Variants in SCRN3 observed in about 807,000 individuals in gnomAD.
The protein encoded by SCRN3 is secernin-3.
In SCRN3, 39 loss-of-function variants were observed where a neutral mutation model predicts 43.1. The observed-to-expected ratio is 0.91, with a 90% CI of 0.70 to 1.18. SCRN3 has a LOEUF of 1.18. Among genes scored for constraint, SCRN3 ranks in the 50% most tolerant of loss-of-function variants. SCRN3 has a pLI of 0.00. For synonymous variants in SCRN3, 147 were observed against 163.1 expected (o/e 0.90, Z 0.75); for missense variants, 484 against 498.0 (o/e 0.97, Z 0.27).
rs145950807 is a variant in SCRN3, at chr2:174,410,993, C to T, written c.754+6678C>T. 9.0e-3 allele frequency among the ~76,000 whole-genome samples: 1,373 copies of T among 152,160 alleles called. 12 individuals carry two copies. Among genetic ancestry groups the T allele is most frequent in the Admixed American group, 0.018 (277 of 15,272 alleles). On this transcript the variant is annotated intron_variant, in intron 5 of 7. Transcript: ENST00000272732. Reference sequence around the variant, plus strand: ...TAACATCCATGAGAATGTAGGTGTACAGGTGAAAAAGATCCATTTGGGGAG... The same window carrying T: ...TAACATCCATGAGAATGTAGGTGTATAGGTGAAAAAGATCCATTTGGGGAG...
chr2:174,427,569 C>T, intron 7 of SCRN3, 144 bp from the exon 8 acceptor site: 1 of 440,970 alleles, frequency 2.3e-6, no homozygotes, highest in East Asian at 3.4e-5. Flanking sequence ...TCATTTCATT[C>T]TTTCTGTCTC....
chr2:174,398,377 G>T lies in SCRN3; in HGVS notation c.94G>T (p.Asp32Tyr). Reference protein sequence around the residue: ...IFGKNSDRLYDEVQEVVYFPA... With the variant: ...IFGKNSDRLYYEVQEVVYFPA... ...TGGAAAAAATTCAGATAGACTCTATGATGAAGTACAAGAGGTGGTTTATTT... is the reference window on the plus strand; with the variant it reads ...TGGAAAAAATTCAGATAGACTCTATTATGAAGTACAAGAGGTGGTTTATTT... The change falls in exon 2 of 8, where the codon GAT becomes TAT. Residue 32 changes from aspartate to tyrosine, a missense_variant. Asp to Tyr is a radical substitution (Grantham distance 160). Coordinates refer to ENST00000272732, the MANE Select transcript of SCRN3 (RefSeq NM_024583.5). 6.2e-7 allele frequency: 1 copy of T among 1,609,066 alleles called. No individual in the cohort carries two copies. Among genetic ancestry groups the T allele is most frequent in the East Asian group, 2.2e-5 (1 of 44,550 alleles).
rs866213450 is a variant in SCRN3 at position 174,422,541 on chromosome 2, T to C, written c.755-344T>C. ...GTGAGCCAAGATTGCACCACTGCAC[T>C]CTAGCCTGACAGAACAAGACTCTGT... On this transcript the variant is annotated intron_variant, in intron 5 of 7. Coordinates refer to ENST00000272732, the MANE Select transcript of SCRN3 (RefSeq NM_024583.5). 6.0e-5 allele frequency among the ~76,000 whole-genome samples: 9 copies of C among 149,502 alleles called. No homozygotes were observed. The South Asian group carries it at 1.3e-3, about 21-fold the overall frequency.
At chr2:174,400,183 C>T in intron 3 of SCRN3, 80 bp downstream of exon 3, 2 of 1,129,060 alleles carry the variant, frequency 1.8e-6, no homozygotes, top group Non-Finnish European at 2.5e-6. Flanking sequence ...TTTTATTTTC[C>T]TATTTTTGAG....
At chr2:174,424,855 A>G (rs1485916044) in intron 7 of SCRN3, among the ~76,000 whole-genome samples, 1 of 152,220 alleles carries the variant, frequency 6.6e-6, no homozygotes, top group East Asian at 1.9e-4. Context: ...AACTTAGTAC[A>G]TTAAACATAA....
intron 4 of SCRN3, 67 bp downstream of exon 4, chr2:174,401,256 A>G (rs1685501060): frequency 9.0e-7 from 1 of 1,109,226 alleles, no homozygotes; most frequent in African/African-American, 1.6e-5. Context: ...ACCTATAGAT[A>G]TTGCATTTAA....
chr2:174,425,213 A>G (rs1420267585), intron 7 of SCRN3, among the ~76,000 whole-genome samples: 1 of 152,218 alleles, frequency 6.6e-6, no homozygotes, highest in Non-Finnish European at 1.5e-5. Context: ...TGTAAGCATT[A>G]TATAAGAGCA....
In SCRN3 at chr2:174,421,041, G is replaced by A. The variant is rs149239010; in HGVS notation, c.755-1844G>A. Among the ~76,000 whole-genome samples, 71 of 152,104 alleles carry A rather than the reference G, an allele frequency of 4.7e-4. 2 individuals carry two copies. In the East Asian group the frequency reaches 0.013, roughly 29 times the overall value. ...GCCCATCATAGTAAGATTTCTGAGGGGGAAAAAAGACAGAAAAATCTGAAA... is the reference window on the plus strand; with the variant it reads ...GCCCATCATAGTAAGATTTCTGAGGAGGAAAAAAGACAGAAAAATCTGAAA... On this transcript the variant is annotated intron_variant, in intron 5 of 7. Transcript: ENST00000272732.
At chr2:174,401,999 G>T (rs1685523580) in intron 4 of SCRN3, among the ~76,000 whole-genome samples, 1 of 152,228 alleles carries the variant, frequency 6.6e-6, no homozygotes, top group Admixed American at 6.5e-5. Context: ...TGAGCTAGAG[G>T]AGTTCAGAAA....
At position 174,400,271 on chromosome 2, in the gene SCRN3, T is replaced by C. The variant is rs531757296; in HGVS notation, c.341+168T>C. ...CAATTTCATGACTCTCAGTTTTGTT[T>C]GGTTTTTTAAAATTAATTAATTTTT... On this transcript the variant is annotated intron_variant, in intron 3 of 7. Coordinates refer to ENST00000272732, the MANE Select transcript of SCRN3 (RefSeq NM_024583.5). Among the ~76,000 whole-genome samples, 7 of 152,216 alleles carry C rather than the reference T, an allele frequency of 4.6e-5. No homozygotes were observed. In the South Asian group the frequency reaches 8.3e-4, roughly 18 times the overall value.
chr2:174,402,745 T>C (rs1685549190), intron 4 of SCRN3, among the ~76,000 whole-genome samples: 1 of 152,172 alleles, frequency 6.6e-6, no homozygotes, highest in Admixed American at 6.5e-5. Context: ...TTCTTCCATC[T>C]GATTCTTTCA....
intron 1 of SCRN3, among the ~76,000 whole-genome samples, chr2:174,396,691 G>T (rs548172933): frequency 1.3e-5 from 2 of 151,918 alleles, no homozygotes; most frequent in Admixed American, 6.6e-5. Context: ...CCAGCTACTC[G>T]GGAGGTTGAG....
Position 174,422,996 on chromosome 2 carries a change from A to T in SCRN3, c.866A>T (p.Asp289Val), listed in dbSNP as rs192931480. 1 of 1,613,538 alleles carries T rather than the reference A, an allele frequency of 6.2e-7. No homozygotes were observed. The highest frequency in any genetic ancestry group is 2.2e-5 in the East Asian group (1 of 44,836). The change falls in exon 6 of 8, where the codon GAC (aspartate) becomes GTC (valine). Residue 289 changes from aspartate to valine, a missense_variant. Asp to Val is a radical substitution (Grantham distance 152). Transcript: ENST00000272732. Reference protein sequence around the residue: ...TASMVSILPQDSSLPCIHFFT... With the variant: ...TASMVSILPQVSSLPCIHFFT... Reference sequence around the variant, plus strand: ...AGCATGGTTTCTATTTTACCTCAAGACTCCAGCCTTCCTTGCATTCACTTC... The same window carrying T: ...AGCATGGTTTCTATTTTACCTCAAGTCTCCAGCCTTCCTTGCATTCACTTC...
At chr2:174,399,815 CT>C in intron 2 of SCRN3, 106 bp from the exon 3 acceptor site, 1 of 741,906 alleles carries the variant, frequency 1.3e-6, no homozygotes, top group Non-Finnish European at 1.9e-6. Flanking sequence ...TCCTTTACCT[CT>C]TTCATAACAG....
At chr2:174,400,240 G>A (rs752905472) in intron 3 of SCRN3, 137 bp downstream of exon 3, 15 of 577,860 alleles carry the variant, frequency 2.6e-5, no homozygotes, top group South Asian at 1.2e-4. Flanking sequence ...TTAAAGTACC[G>A]GCATGCAATT....
At chr2:174,423,144 C>A in intron 6 of SCRN3, 97 bp downstream of exon 6, 1 of 854,932 alleles carries the variant, frequency 1.2e-6, no homozygotes. Flanking sequence ...TTTTGTTATA[C>A]AACTAGGACA....
chr2:174,401,242 C>A (rs1262348405), intron 4 of SCRN3, 53 bp downstream of exon 4: 2 of 1,349,988 alleles, frequency 1.5e-6, no homozygotes, highest in Admixed American at 3.4e-5. Flanking sequence ...TAAAATACAC[C>A]CTTACCTATA....
At chr2:174,411,154 C>T (rs1685904254) in intron 5 of SCRN3, among the ~76,000 whole-genome samples, 2 of 152,166 alleles carry the variant, frequency 1.3e-5, no homozygotes, top group African/African-American at 4.8e-5. Context: ...AGATTGAACT[C>T]TCAGCCACAT....
At chr2:174,425,344 A>T (rs1015697155) in intron 7 of SCRN3, among the ~76,000 whole-genome samples, 2 of 152,182 alleles carry the variant, frequency 1.3e-5, no homozygotes, top group Admixed American at 6.5e-5. Context: ...ATGGATAAGA[A>T]GCGAATAGAA....
Sources: gnomAD v4.1 joint callset for allele counts (sites outside exome capture counted in the v4.1 genomes callset) on GRCh38, gnomAD v4.1.1 for gene constraint, MANE v1.5 for transcripts, NCBI Gene and HGNC (gene_info 2026-07-23, HGNC 2026-07-21) for gene names.